CNKSR1: variants seen among roughly 807,000 people sequenced by gnomAD.
The protein encoded by CNKSR1 is CNK homolog protein 1.
In CNKSR1, 88 loss-of-function variants were observed where a neutral mutation model predicts 95.6. That is an observed-to-expected ratio of 0.92 (90% CI 0.78 to 1.10). The LOEUF (loss-of-function observed/expected upper bound fraction) is 1.10. CNKSR1 is among the 50% of genes least tolerant of loss of function. CNKSR1 has a pLI of 0.00. For synonymous variants in CNKSR1, 355 were observed against 369.7 expected, an observed-to-expected ratio of 0.96 and a Z score of 0.46; for missense variants, 836 against 912.0, an observed-to-expected ratio of 0.92 and a Z score of 1.07.
Position 26,189,881 on chromosome 1 carries a change from A to G in CNKSR1, c.*333A>G. On this transcript the variant is annotated 3_prime_UTR_variant, in exon 21 of 21. Coordinates refer to ENST00000361530, the MANE Select transcript of CNKSR1 (RefSeq NM_006314.3). ...CAACCAAATAAAGTCAATTTTTCTA[A>G]GAATGAGTCTACATGTAACTTTACT... The G allele has an allele frequency of 1.9e-6, 1 of 529,692 alleles. No homozygotes were observed. Among genetic ancestry groups the G allele is most frequent in the Non-Finnish European group, 3.5e-6 (1 of 286,706 alleles). 32.8% of individuals were successfully genotyped at this position (529,692 alleles called of 1,614,324 possible).
At chr1:26,186,899 G>A (rs1287538729) in intron 14 of CNKSR1, 6 of 445,674 alleles carry the variant, frequency 1.3e-5, no homozygotes, top group South Asian at 8.9e-5. Context: ...CACCATGCCC[G>A]GCCTTCAGGC....
At chr1:26,187,814 G>A (rs1036966885) in intron 16 of CNKSR1, among the ~76,000 whole-genome samples, 1 of 151,568 alleles carries the variant, frequency 6.6e-6, no homozygotes, top group Non-Finnish European at 1.5e-5. Context: ...GTAGAGAGGG[G>A]GTTTCACTAT....
intron 15 of CNKSR1, 74 bp from the exon 16 acceptor site, chr1:26,187,337 C>T (rs771916230): frequency 4.0e-5 from 63 of 1,587,350 alleles, no homozygotes; most frequent in South Asian, 2.9e-4. Flanking sequence ...GTGGCTGGGG[C>T]GCCCAGAATC....
chr1:26,183,062 G>T, intron 6 of CNKSR1, 135 bp from the exon 7 acceptor site: 1 of 890,812 alleles, frequency 1.1e-6, no homozygotes, highest in East Asian at 2.4e-5. Flanking sequence ...CATACAGCAA[G>T]TCTGGGCAGG....
At chr1:26,186,573 C>T (rs1323292272) in intron 14 of CNKSR1, among the ~76,000 whole-genome samples, 2 of 152,220 alleles carry the variant, frequency 1.3e-5, no homozygotes, top group Non-Finnish European at 2.9e-5. Flanking sequence ...CTCCCAGGTT[C>T]GAGCAATTCT....
Position 26,181,903 on chromosome 1 carries a change from C to G in CNKSR1, c.439C>G (p.Arg147Gly). The G allele has an allele frequency of 6.2e-7, 1 of 1,613,984 alleles. No homozygotes were observed. The highest frequency in any genetic ancestry group is 8.5e-7 in the Non-Finnish European group (1 of 1,179,912). The stretch of plus-strand genomic sequence containing the variant: ...TGATTTCTCAGCATGCCAGGAGATC[C>G]GAGACTTGTTGGAGGAGCTGAGCCA... ...LNDFSACQEI[R>G]DLLEELSQVL... is the part of the protein sequence containing the mutation. The change falls in exon 4 of 21, where the codon CGA (arginine) becomes GGA (glycine). Residue 147 changes from arginine to glycine, a missense_variant. Transcript: ENST00000361530.
At position 26,189,496 on chromosome 1, in the gene CNKSR1, C is replaced by T. The variant is rs745374511; in HGVS notation, c.2090C>T (p.Ser697Phe). ...CTGCCCTCTGACCCTGAAGAGCACTCCCATCTCTGCCCCCTGACCTCAGAG... is the reference window on the plus strand; with the variant it reads ...CTGCCCTCTGACCCTGAAGAGCACTTCCATCTCTGCCCCCTGACCTCAGAG... ...HSLPSDPEEHSHLCPLTSESS... is the reference protein window; with the variant it reads ...HSLPSDPEEHFHLCPLTSESS... The change falls in exon 21 of 21, where the codon TCC becomes TTC. Residue 697 changes from serine to phenylalanine, a missense_variant. Coordinates refer to ENST00000361530, the MANE Select transcript of CNKSR1 (RefSeq NM_006314.3). The T allele has an allele frequency of 2.5e-6, 4 of 1,607,452 alleles. No homozygotes were observed. The South Asian group carries it at 4.4e-5, about 18-fold the overall frequency.
chr1:26,184,172 G>A (rs745916101), intron 10 of CNKSR1, 31 bp downstream of exon 10: 42 of 1,612,060 alleles, frequency 2.6e-5, no homozygotes, highest in Non-Finnish European at 3.4e-5. Flanking sequence ...GTGTCTTGGT[G>A]GGGAGACCGT....
intron 6 of CNKSR1, 82 bp from the exon 7 acceptor site, chr1:26,183,115 G>A (rs971517874): frequency 1.5e-6 from 2 of 1,341,626 alleles, no homozygotes; most frequent in Admixed American, 1.7e-5. Flanking sequence ...ACCCACCATA[G>A]AGTCCTGGTG....
chr1:26,183,869 C>A (rs754827842), intron 9 of CNKSR1, 39 bp downstream of exon 9: 1 of 554,718 alleles, frequency 1.8e-6, no homozygotes, highest in South Asian at 1.5e-5. Context: ...CCTTCAGACC[C>A]CCCCCTCCAC....
intron 8 of CNKSR1, 148 bp from the exon 9 acceptor site, chr1:26,183,581 T>C (rs977886682): frequency 7.0e-6 from 7 of 1,006,346 alleles, no homozygotes; most frequent in Non-Finnish European, 9.5e-6. Context: ...GCCCAGGTGA[T>C]GGGGCCCATG....
intron 9 of CNKSR1, 117 bp downstream of exon 9, chr1:26,183,947 C>T (rs761077092): frequency 9.6e-5 from 49 of 509,338 alleles, no homozygotes; most frequent in South Asian, 7.2e-4. Flanking sequence ...TCCCCTGCTG[C>T]GCCCCCCTAG....
At chr1:26,182,433 G>A (rs1228427133) in intron 5 of CNKSR1, 31 bp downstream of exon 5, 2 of 1,613,854 alleles carry the variant, frequency 1.2e-6, no homozygotes, top group South Asian at 1.1e-5. Flanking sequence ...GAGAGTGGGG[G>A]TAGGGGCGAT....
At position 26,182,553 on chromosome 1, in the gene CNKSR1, T is replaced by A. The variant is rs2124509938; in HGVS notation, c.593T>A (p.Val198Glu). ...AAGGAGCTGCTGGAACAGAAGGCCG[T>A]GCTCGAGCAGGTGCAGCTGGACAGT... Reference protein sequence around the residue: ...CPKELLEQKAVLEQVQLDSPL... With the variant: ...CPKELLEQKAELEQVQLDSPL... The change falls in exon 6 of 21, where the codon GTG becomes GAG. Residue 198 changes from valine (V) to glutamate (E), a missense_variant. Val to Glu is a moderately radical substitution (Grantham distance 121). Transcript: ENST00000361530. 1 of 1,613,586 alleles carries A rather than the reference T, an allele frequency of 6.2e-7. No individual in the cohort carries two copies. Among genetic ancestry groups the A allele is most frequent in the Non-Finnish European group, 8.5e-7 (1 of 1,179,998 alleles).
In CNKSR1 at chr1:26,183,203, G is replaced by A. The variant is rs974069843; in HGVS notation, c.631G>A (p.Glu211Lys). 22 of 1,614,018 alleles carry A rather than the reference G, an allele frequency of 1.4e-5. No homozygotes were observed. Among genetic ancestry groups the A allele is most frequent in the Non-Finnish European group, 1.9e-5 (22 of 1,180,002 alleles). ...QVQLDSPLGL[E>K]IHTTSNCQHF... is the part of the protein sequence containing the mutation. Reference sequence around the variant, plus strand: ...ATAGCCTCTGCCTCTGCAGGGCCTAGAAATTCACACCACCAGCAATTGCCA... The same window carrying A: ...ATAGCCTCTGCCTCTGCAGGGCCTAAAAATTCACACCACCAGCAATTGCCA... Residue 211 changes from glutamate to lysine, a missense_variant, in exon 7 of 21, where the codon GAA (glutamate) becomes AAA (lysine). Transcript: ENST00000361530.
chr1:26,180,462 A>G lies in CNKSR1; in HGVS notation c.62A>G (p.Asp21Gly), dbSNP rs1569872248. The G allele has an allele frequency of 6.2e-7, 1 of 1,613,656 alleles. No individual in the cohort carries two copies. The highest frequency in any genetic ancestry group is 8.5e-7 in the Non-Finnish European group (1 of 1,180,008). ...KVATWLRGLD[D>G]SLQDYPFEDW... ...CTTACTCTCCCTCCAGGTCTTGACG[A>G]CTCCCTGCAGGACTATCCCTTTGAG... The change falls in exon 2 of 21, where the codon GAC becomes GGC. Residue 21 changes from aspartate (D) to glycine (G), a missense_variant. Transcript: ENST00000361530.
In CNKSR1 at chr1:26,180,758, G is replaced by C. The variant is rs151016436; in HGVS notation, c.254G>C (p.Gly85Ala). The change falls in exon 3 of 21, where the codon GGA (glycine) becomes GCA (alanine). Residue 85 changes from glycine to alanine, a missense_variant. Transcript: ENST00000361530. Reference protein sequence around the residue: ...QTENLQSLTEGLLGATHDFQS... With the variant: ...QTENLQSLTEALLGATHDFQS... The stretch of plus-strand genomic sequence containing the variant: ...GAGAACCTGCAAAGCCTGACAGAGG[G>C]ACTTCTGGGGGCAACCCATGACTTC... 1.2e-6 allele frequency: 2 copies of C among 1,614,106 alleles called. No individual in the cohort carries two copies. Among genetic ancestry groups the C allele is most frequent in the African/African-American group, 2.7e-5 (2 of 74,948 alleles).
At chr1:26,187,794 T>C (rs1256230660) in intron 16 of CNKSR1, among the ~76,000 whole-genome samples, 2 of 151,782 alleles carry the variant, frequency 1.3e-5, no homozygotes, top group Non-Finnish European at 2.9e-5. Context: ...GGCTAATTTT[T>C]GTATTTTTAG....
In CNKSR1 at chr1:26,185,151, A is replaced by G. The variant is rs1403682322; in HGVS notation, c.1273A>G (p.Lys425Glu). Residue 425 changes from lysine (K) to glutamate (E), a missense_variant, in exon 14 of 21, where the codon AAG (lysine) becomes GAG (glutamate). By Grantham distance (56) the Lys-to-Glu change is moderately conservative (BLOSUM62 1). Transcript: ENST00000361530. ...CTGGCGCCGCCGCTGGTTTGTGCTC[A>G]AGGGACACACGCTCTACTGGTACCG... ...PRWRRRWFVL[K>E]GHTLYWYRQP... 6.4e-7 allele frequency: 1 copy of G among 1,569,054 alleles called. No homozygotes were observed. Among genetic ancestry groups the G allele is most frequent in the Non-Finnish European group, 8.6e-7 (1 of 1,157,374 alleles).
Sources: allele counts gnomAD v4.1 joint callset (sites outside exome capture counted in the v4.1 genomes callset), GRCh38; gene constraint gnomAD v4.1.1; transcripts MANE v1.5; gene names NCBI Gene and HGNC (gene_info 2026-07-23, HGNC 2026-07-21).